VRK2: variants seen among roughly 807,000 people sequenced by gnomAD.
VRK2 encodes the protein serine/threonine-protein kinase VRK2.
VRK2 carries 60 observed loss-of-function variants against 57.6 expected under a neutral mutation model. The ratio of observed to expected loss-of-function variants is 1.04; its 90% CI spans 0.85 to 1.29. The LOEUF (loss-of-function observed/expected upper bound fraction) is 1.29, where lower values mean the gene tolerates loss of function less well. VRK2 is among the 50% of genes most tolerant of loss of function. VRK2 has a pLI of 0.00. For missense variants in VRK2, 705 were observed against 588.1 expected (o/e 1.20, Z -2.06); for synonymous variants, 231 against 199.2 (o/e 1.16, Z -1.35).
At chr2:58,127,686 T>G (rs1678574243) in intron 8 of VRK2, among the ~76,000 whole-genome samples, 1 of 152,208 alleles carries the variant, frequency 6.6e-6, no homozygotes, top group South Asian at 2.1e-4. Context: ...GTGAACATCT[T>G]ATTCAGATGT....
Position 57,921,284 on chromosome 2 carries a change from GCGCA to G in VRK2, c.-439+13447_-439+13450del, listed in dbSNP as rs1339698265. 1.9e-3 allele frequency among the ~76,000 whole-genome samples: 174 copies of G among 94,018 alleles called. 1 individual carries two copies. The highest frequency in any genetic ancestry group is 5.2e-3 in the Admixed American group (54 of 10,454). The allele number at this position is 94,018 out of a possible 152,430, so 61.7% of individuals were successfully genotyped here. A position where few individuals can be genotyped will look rare whatever the true frequency, so the allele number is the denominator to read the frequency against. ...GTACCTGCCCAGGTAATTCTTAAGC[GCGCA>G]CACACACACACACACACACACACTC... On this transcript the variant is annotated intron_variant, in intron 1 of 15. Transcript: ENST00000417641.
chr2:58,137,155 T>TA (rs1198033223), intron 10 of VRK2, among the ~76,000 whole-genome samples: 4 of 25,004 alleles, frequency 1.6e-4, no homozygotes, highest in African/African-American at 2.4e-4. Flanking sequence ...ATATCATGTG[T>TA]TTATATATAT....
At chr2:58,054,937 T>G (rs1676295711) in intron 2 of VRK2, among the ~76,000 whole-genome samples, 1 of 152,228 alleles carries the variant, frequency 6.6e-6, no homozygotes, top group African/African-American at 2.4e-5. Flanking sequence ...CTTGTTTCTT[T>G]TAAAAGCATA....
At chr2:58,119,801 AT>A (rs1677148214) in intron 7 of VRK2, among the ~76,000 whole-genome samples, 1 of 151,678 alleles carries the variant, frequency 6.6e-6, no homozygotes, top group Non-Finnish European at 1.5e-5. Flanking sequence ...TTGTATAAAT[AT>A]TTTGAACCGT....
chr2:57,956,395 T>C (rs947549551), intron 1 of VRK2, among the ~76,000 whole-genome samples: 1 of 152,114 alleles, frequency 6.6e-6, no homozygotes, highest in Non-Finnish European at 1.5e-5. Context: ...TAAAATACTA[T>C]AAAATATAAA....
chr2:58,013,831 C>T (rs890556459), intron 1 of VRK2, among the ~76,000 whole-genome samples: 2 of 139,708 alleles, frequency 1.4e-5, no homozygotes, highest in African/African-American at 3.0e-5. Context: ...AGCACTCCCT[C>T]CTGGGCGACA....
intron 12 of VRK2, among the ~76,000 whole-genome samples, chr2:58,155,804 AAG>A (rs1439002019): frequency 2.1e-5 from 3 of 144,224 alleles, no homozygotes; most frequent in South Asian, 4.6e-4. Context: ...GGAGAGAAGT[AAG>A]GTACAGCTTC....
rs12465696 is a variant in VRK2 at position 58,074,503 on chromosome 2, C to T, written c.137-9586C>T. ...TTTAGAGTTTGCAGGGCAACATTTA[C>T]AACTAGTCAAAGTTTACTTTCAAAT... On this transcript the variant is annotated intron_variant, in intron 2 of 12. Transcript: ENST00000340157. 2.3e-3 allele frequency among the ~76,000 whole-genome samples: 344 copies of T among 152,072 alleles called. 8 individuals are homozygous for T. Among genetic ancestry groups the T allele is most frequent in the Admixed American group, 0.02 (307 of 15,244 alleles).
chr2:58,061,538 GAT>G (rs1677343167), intron 2 of VRK2, among the ~76,000 whole-genome samples: 1 of 151,924 alleles, frequency 6.6e-6, no homozygotes. Context: ...AAAATGATAA[GAT>G]ATAAAGACAC....
chr2:58,085,809 A>C (rs1671533634), intron 4 of VRK2, among the ~76,000 whole-genome samples: 1 of 151,944 alleles, frequency 6.6e-6, no homozygotes, highest in Middle Eastern at 3.2e-3. Flanking sequence ...TCATGAAAAA[A>C]ATGATGAAAG....
intron 1 of VRK2, among the ~76,000 whole-genome samples, chr2:57,943,190 T>C (rs2103960573): frequency 6.6e-6 from 1 of 152,316 alleles, no homozygotes; most frequent in East Asian, 1.9e-4. Context: ...GGCCTATTAT[T>C]TATCATTAAA....
At chr2:57,971,853 C>T (rs1301408731) in intron 1 of VRK2, among the ~76,000 whole-genome samples, 1 of 151,838 alleles carries the variant, frequency 6.6e-6, no homozygotes, top group Non-Finnish European at 1.5e-5. Context: ...AATGCTTCAA[C>T]TCATTCCTTA....
chr2:57,977,750 C>A lies in VRK2; in HGVS notation c.-438-47915C>A, dbSNP rs369071886. On this transcript the variant is annotated intron_variant, in intron 1 of 15. Transcript: ENST00000417641. ...ATGGCTCTGTTTAGGGCTTCCAGTA[C>A]GATGTTGAATAGGAATGGTGACAAT... 3.5e-4 allele frequency among the ~76,000 whole-genome samples: 53 copies of A among 151,082 alleles called. 1 individual carries two copies. The South Asian group carries it at 0.01, about 29-fold the overall frequency.
chr2:58,148,672 A>C (rs1682530763), intron 12 of VRK2, among the ~76,000 whole-genome samples: 1 of 151,730 alleles, frequency 6.6e-6, no homozygotes, highest in African/African-American at 2.4e-5. Flanking sequence ...TGTTGGTTCT[A>C]TGAGCCATCT....
In VRK2 at chr2:58,089,545, C is replaced by A. The variant is rs1248126660; in HGVS notation, c.451-86C>A. On this transcript the variant is annotated intron_variant, in intron 6 of 12. Coordinates refer to ENST00000340157, the MANE Select transcript of VRK2 (RefSeq NM_006296.7). ...CTTTGTCAATGTTAATATGAAAAAACCCATGTTATTCTATATTCAAAATGT... is the reference window on the plus strand; with the variant it reads ...CTTTGTCAATGTTAATATGAAAAAAACCATGTTATTCTATATTCAAAATGT... The A allele has an allele frequency of 1.7e-5, 13 of 742,880 alleles. No individual in the cohort carries two copies. The South Asian group carries it at 2.0e-4, about 11-fold the overall frequency. The allele number at this position is 742,880 out of a possible 1,614,324, so 46.0% of individuals were successfully genotyped here.
intron 1 of VRK2, among the ~76,000 whole-genome samples, chr2:58,008,905 T>C (rs1196430777): frequency 1.3e-5 from 2 of 152,152 alleles, no homozygotes; most frequent in Admixed American, 6.6e-5. Context: ...AGTTGTCTGA[T>C]GAATGTTGCC....
intron 2 of VRK2, among the ~76,000 whole-genome samples, chr2:58,077,408 C>T (rs1286239435): frequency 6.6e-6 from 1 of 152,024 alleles, no homozygotes; most frequent in Non-Finnish European, 1.5e-5. Context: ...CCAGTCTTAT[C>T]TGAAGAATTC....
chr2:58,159,308 C>G, intron 12 of VRK2, 41 bp from the exon 13 acceptor site: 1 of 1,447,304 alleles, frequency 6.9e-7, no homozygotes, highest in Non-Finnish European at 9.4e-7. Flanking sequence ...TTGGATAACT[C>G]ACGTCTAACA....
In VRK2 at chr2:57,934,466, G is replaced by A. The variant is rs117485210; in HGVS notation, c.-439+26627G>A. Among the ~76,000 whole-genome samples the A allele has an allele frequency of 4.9e-3, 740 of 152,210 alleles. 6 individuals carry two copies. The highest frequency in any genetic ancestry group is 0.025 in the Admixed American group (376 of 15,282). On this transcript the variant is annotated intron_variant, in intron 1 of 15. Coordinates refer to the VRK2 transcript ENST00000417641. ...AGACTTATGGTAGTTTCCCCAGTAC[G>A]TAACTAGCCTGTTTTGTTTCTTTGA...
Sources: allele counts gnomAD v4.1 joint callset (sites outside exome capture counted in the v4.1 genomes callset), GRCh38; gene constraint gnomAD v4.1.1; transcripts MANE v1.5; gene names NCBI Gene and HGNC (gene_info 2026-07-23, HGNC 2026-07-21).